Variants in WWOX observed in about 807,000 individuals in gnomAD.
WWOX encodes WW domain-containing oxidoreductase.
Under a neutral mutation model 46.2 loss-of-function variants are expected in WWOX, and 69 were observed. The ratio of observed to expected loss-of-function variants is 1.49; its 90% CI spans 1.23 to 1.82. The LOEUF (loss-of-function observed/expected upper bound fraction) is 1.82. Among genes scored for constraint, WWOX ranks in the 40% most tolerant of loss-of-function variants. The probability of loss-of-function intolerance (pLI) is 0.00; values close to 1 mark genes in which losing one functional copy is unlikely to be tolerated. For missense variants in WWOX, 919 were observed against 542.6 expected, an observed-to-expected ratio of 1.69 and a Z score of -6.89; for synonymous variants, 359 against 202.6, an observed-to-expected ratio of 1.77 and a Z score of -6.56.
At chr16:79,037,903 A>C (rs1379011396) in intron 8 of WWOX, among the ~76,000 whole-genome samples, 1 of 152,032 alleles carries the variant, frequency 6.6e-6, no homozygotes, top group Admixed American at 6.6e-5. Flanking sequence ...CTGCAGCCAA[A>C]GGACAGGCTT....
At chr16:78,679,511 A>G (rs1478573558) in intron 8 of WWOX, among the ~76,000 whole-genome samples, 2 of 152,150 alleles carry the variant, frequency 1.3e-5, no homozygotes, top group South Asian at 4.1e-4. Flanking sequence ...AAATTGCACC[A>G]CTGCACTCCA....
At chr16:78,572,896 AT>A (rs1201871259) in intron 8 of WWOX, among the ~76,000 whole-genome samples, 1 of 152,126 alleles carries the variant, frequency 6.6e-6, no homozygotes, top group Non-Finnish European at 1.5e-5. Flanking sequence ...TAGTCATTCT[AT>A]ATGTTATTAA....
intron 5 of WWOX, chr16:78,179,707 G>A (rs1021684039): frequency 1.3e-5 from 2 of 152,210 alleles, no homozygotes; most frequent in African/African-American, 4.8e-5. Flanking sequence ...CCTATTTTCA[G>A]ATGAAAGACT....
intron 5 of WWOX, among the ~76,000 whole-genome samples, chr16:78,307,536 A>T (rs910789862): frequency 6.6e-6 from 1 of 152,236 alleles, no homozygotes; most frequent in South Asian, 2.1e-4. Flanking sequence ...GAAAGAGGTG[A>T]GAAATGGATT....
intron 8 of WWOX, among the ~76,000 whole-genome samples, chr16:79,070,598 G>A (rs1302551621): frequency 2.0e-5 from 3 of 152,176 alleles, no homozygotes; most frequent in Admixed American, 1.3e-4. Flanking sequence ...GACTGGTGCA[G>A]CAGGTAGGCT....
At chr16:78,913,587 G>A (rs939045641) in intron 8 of WWOX, among the ~76,000 whole-genome samples, 32 of 151,882 alleles carry the variant, frequency 2.1e-4, no homozygotes, top group Admixed American at 3.3e-4. Flanking sequence ...TTTTGGACTT[G>A]ATGTGAGAAA....
At chr16:78,567,876 G>T (rs1399477137) in intron 8 of WWOX, among the ~76,000 whole-genome samples, 1 of 152,100 alleles carries the variant, frequency 6.6e-6, no homozygotes, top group African/African-American at 2.4e-5. Context: ...AGCTCGTCCC[G>T]TGTCTAATGG....
intron 8 of WWOX, among the ~76,000 whole-genome samples, chr16:78,488,620 C>G (rs564363297): frequency 6.6e-6 from 1 of 152,238 alleles, no homozygotes; most frequent in South Asian, 2.1e-4. Context: ...TTGTGATATA[C>G]AATGTCAGTG....
At chr16:79,121,038 G>T (rs1301173374) in intron 8 of WWOX, among the ~76,000 whole-genome samples, 1 of 152,148 alleles carries the variant, frequency 6.6e-6, no homozygotes, top group East Asian at 1.9e-4. Context: ...CAAAGTGCTG[G>T]GATTACAGGC....
chr16:78,910,291 C>G (rs191114209), intron 8 of WWOX, among the ~76,000 whole-genome samples: 2 of 150,364 alleles, frequency 1.3e-5, no homozygotes, highest in African/African-American at 2.4e-5. Flanking sequence ...CATGGACTCA[C>G]ATGACAAAAT....
intron 6 of WWOX, among the ~76,000 whole-genome samples, chr16:78,390,394 C>G (rs576482111): frequency 1.3e-5 from 2 of 152,326 alleles, no homozygotes; most frequent in African/African-American, 4.8e-5. Flanking sequence ...GGAGGAAACT[C>G]TCACCCATTT....
intron 6 of WWOX, among the ~76,000 whole-genome samples, chr16:78,408,850 C>T (rs79604820): frequency 7.4e-4 from 112 of 152,194 alleles, no homozygotes; most frequent in African/African-American, 2.5e-3. Flanking sequence ...ATTCTGTGAG[C>T]CCCATCTCAG....
At chr16:78,961,641 T>A (rs2046273091) in intron 8 of WWOX, among the ~76,000 whole-genome samples, 2 of 152,118 alleles carry the variant, frequency 1.3e-5, no homozygotes, top group South Asian at 4.1e-4. Flanking sequence ...CAAAGAGTCT[T>A]TGATCTTCCA....
At chr16:78,761,384 T>G (rs1183730595) in intron 8 of WWOX, among the ~76,000 whole-genome samples, 1 of 152,144 alleles carries the variant, frequency 6.6e-6, no homozygotes, top group African/African-American at 2.4e-5. Flanking sequence ...CTCTTTAGCA[T>G]TTACATTTTA....
At chr16:78,363,090 A>T (rs1479013396) in intron 5 of WWOX, among the ~76,000 whole-genome samples, 1 of 152,088 alleles carries the variant, frequency 6.6e-6, no homozygotes, top group African/African-American at 2.4e-5. Context: ...TTTTTTATTC[A>T]GTATTAGGAA....
At chr16:78,769,570 TTTATTTATTTA>T (rs869109022) in intron 8 of WWOX, among the ~76,000 whole-genome samples, 19 of 144,726 alleles carry the variant, frequency 1.3e-4, no homozygotes, top group Non-Finnish European at 1.8e-4. Flanking sequence ...TATTTATTTA[TTTATTTATTTA>T]TTTTTACCAT....
At chr16:78,942,592 GT>G (rs1426421984) in intron 8 of WWOX, among the ~76,000 whole-genome samples, 3 of 143,030 alleles carry the variant, frequency 2.1e-5, no homozygotes, top group Admixed American at 1.3e-4. Flanking sequence ...CAAGGAGAGC[GT>G]TACATTTTAA....
chr16:78,175,569 G>A (rs2035316286), intron 5 of WWOX, among the ~76,000 whole-genome samples: 1 of 152,238 alleles, frequency 6.6e-6, no homozygotes, highest in South Asian at 2.1e-4. Context: ...CAGACCTGAG[G>A]TGAGGCCCAT....
chr16:78,618,515 G>A (rs1321468766), intron 8 of WWOX, among the ~76,000 whole-genome samples: 1 of 151,996 alleles, frequency 6.6e-6, no homozygotes, highest in Non-Finnish European at 1.5e-5. Context: ...ATTGGATTAG[G>A]GTCCACCATA....
Sources: gnomAD v4.1 joint callset for allele counts (sites outside exome capture counted in the v4.1 genomes callset) on GRCh38, gnomAD v4.1.1 for gene constraint, MANE v1.5 for transcripts, NCBI Gene and HGNC (gene_info 2026-07-23, HGNC 2026-07-21) for gene names.